Variants in ZNF839 observed in about 807,000 individuals in gnomAD.
ZNF839 encodes the protein renal carcinoma antigen NY-REN-50.
A neutral mutation model predicts 56.4 loss-of-function variants in ZNF839; 38 were observed. The ratio of observed to expected loss-of-function variants is 0.67; its 90% CI spans 0.52 to 0.88. The LOEUF (loss-of-function observed/expected upper bound fraction) is 0.88. Among genes scored for constraint, ZNF839 ranks in the 40% least tolerant of loss-of-function variants. ZNF839 has a pLI of 0.00. For synonymous variants in ZNF839, 486 were observed against 493.5 expected (o/e 0.98, Z 0.20); for missense variants, 1,091 against 1,177.6 (o/e 0.93, Z 1.08).
rs1567299843 is a variant in ZNF839 at position 102,341,475 on chromosome 14, G to T, written c.2080G>T (p.Ala694Ser). 2 of 1,597,880 alleles carry T rather than the reference G, an allele frequency of 1.3e-6. No homozygotes were observed. Among genetic ancestry groups the T allele is most frequent in the South Asian group, 1.1e-5 (1 of 89,266 alleles). ...LEARRGSIGA[A>S]LSSRDVSGLP... ...AGCCAGGAGGGGGTCTATAGGTGCT[G>T]CTCTCTCATCCCGGGATGTCAGTGG... The change falls in exon 8 of 8, where the codon GCT becomes TCT. Residue 694 changes from alanine to serine, a missense_variant. Ala to Ser is a moderately conservative substitution (Grantham distance 99). This residue lies in a region of ZNF839 where 431 missense variants were observed against 468.0 expected (regional missense o/e 0.92). Coordinates refer to ENST00000442396, the MANE Select transcript of ZNF839 (RefSeq NM_018335.6).
intron 3 of ZNF839, among the ~76,000 whole-genome samples, chr14:102,333,483 G>A (rs537561905): frequency 6.6e-6 from 1 of 151,882 alleles, no homozygotes; most frequent in Admixed American, 6.6e-5. Flanking sequence ...AGCTGGTCTC[G>A]AACTCCTACC....
At chr14:102,318,573 C>G (rs2072967355), upstream of ZNF839, among the ~76,000 whole-genome samples, 1 of 150,838 alleles carries the variant, frequency 6.6e-6, no homozygotes, top group Non-Finnish European at 1.5e-5. Flanking sequence ...ATGGAGGTTG[C>G]GGTGAGCTGA....
Position 102,329,260 on chromosome 14 carries a change from G to A in ZNF839, c.1192-2362G>A, listed in dbSNP as rs147349116. 3.8e-3 allele frequency among the ~76,000 whole-genome samples: 574 copies of A among 152,226 alleles called. 6 individuals carry two copies. Among genetic ancestry groups the A allele is most frequent in the African/African-American group, 0.013 (535 of 41,550 alleles). The stretch of plus-strand genomic sequence containing the variant: ...TGGGATTACAGGCGTGAGCCACCAC[G>A]CCCGGCCCAATTTCTTTGGGTATAT... On this transcript the variant is annotated intron_variant, in intron 2 of 7. Coordinates refer to ENST00000442396, the MANE Select transcript of ZNF839 (RefSeq NM_018335.6).
rs763316791 is a variant in ZNF839, at chr14:102,341,383, C to T, written c.1988C>T (p.Thr663Met). ...SPRSEESHTT[T>M]VSGGNGSVFQ... The stretch of plus-strand genomic sequence containing the variant: ...CGTTCTGAAGAAAGCCATACAACGA[C>T]GGTTTCTGGTGGCAATGGGAGCGTG... The change falls in exon 8 of 8, where the codon ACG becomes ATG. Residue 663 changes from threonine (T) to methionine (M), a missense_variant. This residue lies in a region of ZNF839 where 431 missense variants were observed against 468.0 expected (regional missense o/e 0.92). Coordinates refer to ENST00000442396, the MANE Select transcript of ZNF839 (RefSeq NM_018335.6). 23 of 1,549,664 alleles carry T rather than the reference C, an allele frequency of 1.5e-5. No homozygotes were observed. The highest frequency in any genetic ancestry group is 1.1e-4 in the South Asian group (9 of 81,334).
At chr14:102,328,375 A>AT (rs1555442800) in intron 2 of ZNF839, among the ~76,000 whole-genome samples, 7 of 16,342 alleles carry the variant, frequency 4.3e-4, no homozygotes, top group African/African-American at 4.9e-4. Context: ...AAAAAAAAAA[A>AT]ATATATATAT....
At position 102,326,803 on chromosome 14, in the gene ZNF839, C is replaced by T. The variant is rs1363083657; in HGVS notation, c.1107C>T (p.Ser369=). 1.2e-6 allele frequency: 2 copies of T among 1,611,986 alleles called. No homozygotes were observed. Among genetic ancestry groups the T allele is most frequent in the Admixed American group, 3.3e-5 (2 of 59,704 alleles). The change falls in exon 2 of 8, where the codon TCC becomes TCT. Residue 369 remains serine (S), a synonymous_variant. Coordinates refer to ENST00000442396, the MANE Select transcript of ZNF839 (RefSeq NM_018335.6). This position sits in a 1 kb window ranked among gnomAD's most constrained non-coding sequence, Gnocchi z 4.3. ...AGGAAAGGACGCTCAGCCTGACCTC[C>T]CTGGGGCTGTCCATGCCAGCGGATC... ...CTEERTLSLT[S]LGLSMPADPC... is the part of the protein sequence containing the mutation.
chr14:102,322,308 C>T (rs891124640), intron 1 of ZNF839, among the ~76,000 whole-genome samples: 8 of 152,174 alleles, frequency 5.3e-5, no homozygotes, highest in African/African-American at 9.7e-5. Flanking sequence ...CCAGGAGATC[C>T]GATTCAGCAG....
At position 102,326,723 on chromosome 14, in the gene ZNF839, C is replaced by T. The variant is rs1270903256; in HGVS notation, c.1027C>T (p.Pro343Ser). 3 of 1,613,062 alleles carry T rather than the reference C, an allele frequency of 1.9e-6. No homozygotes were observed. The East Asian group carries it at 6.7e-5, about 36-fold the overall frequency. ...KLNPGHGQLD[P>S]EMVLSEKASG... ...TAACCCAGGCCACGGCCAGTTGGAC[C>T]CCGAGATGGTGCTGTCTGAGAAAGC... The change falls in exon 2 of 8, where the codon CCC becomes TCC. Residue 343 changes from proline (P) to serine (S), a missense_variant. By Grantham distance (74) the Pro-to-Ser change is moderately conservative. Transcript: ENST00000442396. This position sits in a 1 kb window ranked among gnomAD's most constrained non-coding sequence, Gnocchi z 4.3.
rs1886516521 is a variant in ZNF839, at chr14:102,341,506, C to T, written c.2111C>T (p.Pro704Leu). 6.2e-7 allele frequency: 1 copy of T among 1,600,052 alleles called. No homozygotes were observed. Among genetic ancestry groups the T allele is most frequent in the East Asian group, 2.2e-5 (1 of 44,656 alleles). The part of the protein sequence containing the change: ...ALSSRDVSGL[P>L]VYAQSGEPRR... ...TCATCCCGGGATGTCAGTGGGCTGC[C>T]TGTTTATGCTCAGTCAGGAGAGCCT... The change falls in exon 8 of 8, where the codon CCT becomes CTT. Residue 704 changes from proline to leucine, a missense_variant. Pro to Leu is a moderately conservative substitution (Grantham distance 98). Around this residue, in one of 3 missense-constraint regions of ZNF839, gnomAD observed 431 missense variants for 468.0 expected, o/e 0.92. Coordinates refer to ENST00000442396, the MANE Select transcript of ZNF839 (RefSeq NM_018335.6).
rs2073447911 is a variant in ZNF839, at chr14:102,326,942, TAAAG to T, written c.1191+59_1191+62del. On this transcript the variant is annotated intron_variant, in intron 2 of 7. Transcript: ENST00000442396. The surrounding 1 kb of genome is among the most constrained non-coding windows in gnomAD (Gnocchi z 4.3). Reference sequence around the variant, plus strand: ...TTATTTGGCCGTTCTCGGATTGCTATAAAGAAATACCTGAGACCAGGTATTTTAT... The same window carrying T: ...TTATTTGGCCGTTCTCGGATTGCTATAAATACCTGAGACCAGGTATTTTAT... 2 of 1,481,394 alleles carry T rather than the reference TAAAG, an allele frequency of 1.4e-6. No individual in the cohort carries two copies. Among genetic ancestry groups the T allele is most frequent in the African/African-American group, 1.4e-5 (1 of 71,210 alleles). The allele number at this position is 1,481,394 out of a possible 1,614,324, so 91.8% of individuals were successfully genotyped here. A position where few individuals can be genotyped will look rare whatever the true frequency, so the allele number is the denominator to read the frequency against.
In ZNF839 at chr14:102,335,790, T is replaced by C. The variant is rs574244383; in HGVS notation, c.1611T>C (p.Ser537=). 1.2e-6 allele frequency: 2 copies of C among 1,608,524 alleles called. No homozygotes were observed. The highest frequency in any genetic ancestry group is 4.5e-5 in the East Asian group (2 of 44,882). The change falls in exon 5 of 8, where the codon AGT becomes AGC. Residue 537 remains serine (S), a synonymous_variant. Transcript: ENST00000442396. ...AGAAAATGTGCCAAGATTACCTCAG[T>C]AGTTCTGGTCTGTGTTCCCAGGAGA... ...MVKKMCQDYL[S]SSGLCSQETL...
intron 1 of ZNF839, among the ~76,000 whole-genome samples, chr14:102,320,449 C>T (rs2073069379): frequency 6.6e-6 from 1 of 152,206 alleles, no homozygotes; most frequent in Non-Finnish European, 1.5e-5. Context: ...CTTGAACACA[C>T]TTGCTGAAGA....
chr14:102,319,715 T>A (rs2073011812), upstream of ZNF839: 1 of 1,223,222 alleles, frequency 8.2e-7, no homozygotes, highest in East Asian at 3.2e-5. The surrounding 1 kb of genome is among the most constrained non-coding windows in gnomAD (Gnocchi z 4.5). Context: ...TGACGTACAT[T>A]GGAGACGCCG....
intron 4 of ZNF839, 59 bp downstream of exon 4, chr14:102,334,705 A>T (rs2073939693): frequency 1.1e-6 from 1 of 905,632 alleles, no homozygotes; most frequent in Non-Finnish European, 1.6e-6. Flanking sequence ...TTTAGAAATA[A>T]TATTATTATT....
upstream of ZNF839, among the ~76,000 whole-genome samples, chr14:102,317,853 G>C (rs1258263908): frequency 6.6e-6 from 1 of 152,194 alleles, no homozygotes; most frequent in Non-Finnish European, 1.5e-5. Context: ...TTTGAAGCCA[G>C]AGCAAGTGGA....
At chr14:102,338,633 C>T (rs1886130081) in intron 5 of ZNF839, among the ~76,000 whole-genome samples, 183 bp from the exon 6 acceptor site, 1 of 150,674 alleles carries the variant, frequency 6.6e-6, no homozygotes, top group African/African-American at 2.4e-5. Context: ...TTTTTATCAT[C>T]AGCTAGTCCA....
rs779721675 is a variant in ZNF839 at position 102,326,229 on chromosome 14, T to A, written c.533T>A (p.Val178Glu). 6 of 1,613,790 alleles carry A rather than the reference T, an allele frequency of 3.7e-6. No individual in the cohort carries two copies. The highest frequency in any genetic ancestry group is 5.1e-6 in the Non-Finnish European group (6 of 1,179,880). ...DLCQPPAQGF[V>E]QRPLPALQVV... is the part of the protein sequence containing the mutation. The stretch of plus-strand genomic sequence containing the variant: ...TGCCAACCTCCTGCTCAGGGGTTTG[T>A]ACAGAGACCACTGCCAGCCCTCCAG... Residue 178 changes from valine to glutamate, a missense_variant, in exon 2 of 8, where the codon GTA becomes GAA. Coordinates refer to ENST00000442396, the MANE Select transcript of ZNF839 (RefSeq NM_018335.6). The surrounding 1 kb of genome is among the most constrained non-coding windows in gnomAD (Gnocchi z 4.3).
intron 7 of ZNF839, among the ~76,000 whole-genome samples, chr14:102,340,751 T>C (rs12889712): frequency 0.7 from 106,165 of 152,032 alleles, 37,260 homozygotes; most frequent in Middle Eastern, 0.73. Context: ...TGATGAAGAA[T>C]CACCAATCAT....
At chr14:102,323,457 C>T (rs2073240188) in intron 1 of ZNF839, among the ~76,000 whole-genome samples, 1 of 152,228 alleles carries the variant, frequency 6.6e-6, no homozygotes, top group Non-Finnish European at 1.5e-5. Flanking sequence ...AGCTGTAAGA[C>T]AGCTGTTTCC....
Sources: allele counts gnomAD v4.1 joint callset (sites outside exome capture counted in the v4.1 genomes callset), GRCh38; gene constraint gnomAD v4.1.1; regional missense constraint gnomAD v4.1.1; non-coding constraint Gnocchi (gnomAD v3.1); transcripts MANE v1.5; gene names NCBI Gene and HGNC (gene_info 2026-07-23, HGNC 2026-07-21).